Variants in DDO observed in about 807,000 individuals in gnomAD.
DDO encodes the protein D-aspartate oxidase, DDO.
Under a neutral mutation model 16.8 loss-of-function variants are expected in DDO, and 16 were observed. That is an observed-to-expected ratio of 0.95 (90% CI 0.65 to 1.45). The LOEUF (loss-of-function observed/expected upper bound fraction) is 1.45, where lower values mean the gene tolerates loss of function less well. DDO is among the 40% of genes most tolerant of loss of function. The pLI is 0.00. For synonymous variants in DDO, 180 were observed against 167.2 expected (o/e 1.08, Z -0.59); for missense variants, 429 against 420.3 (o/e 1.02, Z -0.18).
chr6:110,400,361 CT>C (rs200602467), intron 4 of DDO, among the ~76,000 whole-genome samples: 25,280 of 126,166 alleles, frequency 0.2, 3,754 homozygotes, highest in East Asian at 0.22. Context: ...GGACTGGCGC[CT>C]CATCACGGGC....
At chr6:110,400,614 G>A (rs1241403773) in intron 4 of DDO, among the ~76,000 whole-genome samples, 2 of 152,194 alleles carry the variant, frequency 1.3e-5, no homozygotes, top group Non-Finnish European at 2.9e-5. Context: ...CAACAATTTG[G>A]CCCTTAAAGC....
chr6:110,400,344 G>GGGGT (rs1303613533), intron 4 of DDO, among the ~76,000 whole-genome samples: 3 of 87,210 alleles, frequency 3.4e-5, no homozygotes, highest in Non-Finnish European at 6.8e-5. Flanking sequence ...GGAGCGGGCC[G>GGGGT]GGGCGGGGAC....
rs181272126 is a variant in DDO, at chr6:110,407,752, A to C, written c.281+582T>G. On this transcript the variant is annotated intron_variant, in intron 3 of 4. Transcript: ENST00000368924. The stretch of plus-strand genomic sequence containing the variant: ...CTTACTAATAGAAATGTCAAATAGC[A>C]TTTATTCTCAAATTTTCATTTAATT... Among the ~76,000 whole-genome samples, 8 of 152,390 alleles carry C rather than the reference A, an allele frequency of 5.2e-5. No homozygotes were observed. The East Asian group carries it at 5.8e-4, about 11-fold the overall frequency.
At chr6:110,388,978 A>G (rs969636632), downstream of DDO, 1 of 230,138 alleles carries the variant, frequency 4.3e-6, no homozygotes, top group Non-Finnish European at 7.2e-6. Flanking sequence ...TATGTGTCAA[A>G]TGGACTGAGC....
Position 110,393,095 on chromosome 6 carries a change from T to C in DDO, c.706A>G (p.Thr236Ala). 6.2e-7 allele frequency: 1 copy of C among 1,613,840 alleles called. No individual in the cohort carries two copies. The highest frequency in any genetic ancestry group is 1.1e-5 in the South Asian group (1 of 91,088). Residue 236 changes from threonine (T) to alanine (A), a missense_variant, in exon 5 of 5, where the codon ACT (threonine) becomes GCT (alanine). By Grantham distance (58) the Thr-to-Ala change is moderately conservative (BLOSUM62 0). Transcript: ENST00000368924. ...AGATTCCAGTCCCCTTTTTGCCTAG[T>C]TCCACCTAGGGTTACATGGGATGTA... ...PGTSHVTLGGTRQKGDWNLSP... is the reference protein window; with the variant it reads ...PGTSHVTLGGARQKGDWNLSP...
Position 110,413,355 on chromosome 6 carries a change from G to A in DDO, c.108C>T (p.Asp36=), listed in dbSNP as rs1164336509. Residue 36 remains aspartate (D), a synonymous_variant, in exon 2 of 5, where the codon GAC becomes GAT. Coordinates refer to ENST00000368924, the MANE Select transcript of DDO (RefSeq NM_001372108.2). Reference sequence around the variant, plus strand: ...CACTGGTGGTATCTGGAGTAAACTTGTCTGAAATGATGGTAACGGAGCATC... The same window carrying A: ...CACTGGTGGTATCTGGAGTAAACTTATCTGAAATGATGGTAACGGAGCATC... ...VPRCSVTIIS[D]KFTPDTTSDV... 4 of 1,614,164 alleles carry A rather than the reference G, an allele frequency of 2.5e-6. No homozygotes were observed. In the South Asian group the frequency reaches 4.4e-5, roughly 18 times the overall value.
intron 4 of DDO, among the ~76,000 whole-genome samples, chr6:110,401,512 G>A (rs1192725163): frequency 1.3e-5 from 2 of 149,482 alleles, no homozygotes; most frequent in Non-Finnish European, 3.0e-5. Context: ...AGACACAAGA[G>A]CAGTTTGAAG....
At chr6:110,393,786 C>T (rs371379249) in intron 4 of DDO, among the ~76,000 whole-genome samples, 1 of 152,156 alleles carries the variant, frequency 6.6e-6, no homozygotes, top group African/African-American at 2.4e-5. Flanking sequence ...GTCTCCCTAA[C>T]TAAAAGGTAC....
downstream of DDO, chr6:110,388,723 G>C: frequency 1.1e-6 from 1 of 881,188 alleles, no homozygotes; most frequent in Non-Finnish European, 1.4e-6. Flanking sequence ...GTTCCTCTGG[G>C]TCACAGACAC....
In DDO at chr6:110,408,318, A is replaced by C. The variant is rs1773725874; in HGVS notation, c.281+16T>G. The C allele has an allele frequency of 3.1e-6, 5 of 1,610,644 alleles. No individual in the cohort carries two copies. Among genetic ancestry groups the C allele is most frequent in the Non-Finnish European group, 4.2e-6 (5 of 1,177,334 alleles). ...TCATGCTACACTCTAAAATAACTTC[A>C]AATTTCTTCACTTACCCTGATACCA... On this transcript the variant is annotated intron_variant, in intron 3 of 4. Coordinates refer to ENST00000368924, the MANE Select transcript of DDO (RefSeq NM_001372108.2).
intron 4 of DDO, among the ~76,000 whole-genome samples, chr6:110,400,410 T>C (rs1582477980): frequency 6.7e-6 from 1 of 148,160 alleles, no homozygotes; most frequent in East Asian, 2.1e-4. Flanking sequence ...AGGAGGACGC[T>C]GCCCACGAGG....
intron 4 of DDO, 100 bp downstream of exon 4, chr6:110,404,674 G>A (rs547994517): frequency 2.2e-6 from 3 of 1,334,638 alleles, no homozygotes; most frequent in East Asian, 4.6e-5. Flanking sequence ...AAAGAGCTCT[G>A]AGGGATGCCA....
downstream of DDO, chr6:110,388,713 G>T: frequency 1.2e-6 from 1 of 806,518 alleles, no homozygotes; most frequent in Non-Finnish European, 1.5e-6. Flanking sequence ...AAGCAGCCTC[G>T]TTCCTCTGGG....
intron 2 of DDO, among the ~76,000 whole-genome samples, chr6:110,409,998 C>G (rs770562619): frequency 7.2e-5 from 11 of 152,192 alleles, no homozygotes; most frequent in Non-Finnish European, 5.9e-5. Context: ...GCTGATATAG[C>G]ACTTACTATG....
Position 110,392,448 on chromosome 6 carries a change from C to A in DDO, c.*327G>T. On this transcript the variant is annotated 3_prime_UTR_variant, in exon 5 of 5. Transcript: ENST00000368924. Reference sequence around the variant, plus strand: ...AAAAATAGAGCTTTATGCCCTATGCCATTAATGCTGGACTTCCTAAGTAAG... The same window carrying A: ...AAAAATAGAGCTTTATGCCCTATGCAATTAATGCTGGACTTCCTAAGTAAG... 1 of 1,050,398 alleles carries A rather than the reference C, an allele frequency of 9.5e-7. No homozygotes were observed. The highest frequency in any genetic ancestry group is 4.6e-5 in the South Asian group (1 of 21,962). 65.1% of individuals were successfully genotyped at this position (1,050,398 alleles called of 1,614,324 possible).
chr6:110,404,145 A>G (rs1773570514), intron 4 of DDO, among the ~76,000 whole-genome samples: 1 of 152,242 alleles, frequency 6.6e-6, no homozygotes, highest in Non-Finnish European at 1.5e-5. Context: ...TCTCAAATGA[A>G]GATACTCTTG....
chr6:110,407,116 A>T (rs1309563614), intron 3 of DDO, among the ~76,000 whole-genome samples: 1 of 151,944 alleles, frequency 6.6e-6, no homozygotes, highest in Non-Finnish European at 1.5e-5. Flanking sequence ...GTTTTGAAGG[A>T]ATAAATAGAT....
intron 3 of DDO, 21 bp from the exon 4 acceptor site, chr6:110,404,971 A>G (rs768068000): frequency 6.2e-7 from 1 of 1,605,540 alleles, no homozygotes. Context: ...TTAAGTGAAC[A>G]TTTTTTCCTG....
downstream of DDO, among the ~76,000 whole-genome samples, chr6:110,388,983 C>T (rs559022317): frequency 6.6e-6 from 1 of 152,278 alleles, no homozygotes; most frequent in East Asian, 1.9e-4. Flanking sequence ...GTCAAATGGA[C>T]TGAGCTAAGG....
Sources: allele counts gnomAD v4.1 joint callset (sites outside exome capture counted in the v4.1 genomes callset), GRCh38; gene constraint gnomAD v4.1.1; transcripts MANE v1.5; gene names NCBI Gene and HGNC (gene_info 2026-07-23, HGNC 2026-07-21).